RPL36: variants seen among roughly 807,000 people sequenced by gnomAD.
The protein encoded by RPL36 is large ribosomal subunit protein eL36.
For synonymous variants in RPL36, 74 were observed against 56.0 expected, an observed-to-expected ratio of 1.32 and a Z score of -1.44; for missense variants, 131 against 144.9, an observed-to-expected ratio of 0.90 and a Z score of 0.49.
In RPL36 at chr19:5,691,847, T is replaced by TTTAATCA; in HGVS notation, c.*231_*237dup. 1.2e-6 allele frequency: 1 copy of TTTAATCA among 815,476 alleles called. No individual in the cohort carries two copies. Among genetic ancestry groups the TTTAATCA allele is most frequent in the Non-Finnish European group, 1.9e-6 (1 of 525,960 alleles). The allele number at this position is 815,476 out of a possible 1,614,324, so 50.5% of individuals were successfully genotyped here. ...AGGAAGCCGCCGTACTGCAAATGAC[T>TTTAATCA]TTAATCATTAAATAGCTTCTATGCC... On this transcript the variant is annotated 3_prime_UTR_variant, in exon 4 of 4. Transcript: ENST00000347512.
rs369359972 is a variant in RPL36, at chr19:5,690,465, C to G, written c.-2-41C>G. On this transcript the variant is annotated intron_variant, in intron 1 of 3. Transcript: ENST00000347512. ...GGGCTCTGGGCCTCGGGAACTGAGC[C>G]GGTACTCACCTCCGCCCCTTCTCCC... 2.8e-6 allele frequency: 4 copies of G among 1,446,230 alleles called. No individual in the cohort carries two copies. In the East Asian group the frequency reaches 9.9e-5, roughly 36 times the overall value. The allele number at this position is 1,446,230 out of a possible 1,614,324, so 89.6% of individuals were successfully genotyped here. A position where few individuals can be genotyped will look rare whatever the true frequency, so the allele number is the denominator to read the frequency against.
chr19:5,690,326 A>G lies in RPL36; in HGVS notation c.-4A>G, dbSNP rs892599722. ...GCCACGGCCGTCTCTGGAGAGCAGC[A>G]GGTAAGTGGTTTCCCGCACTGCCGG... On this transcript the variant is annotated splice_region_variant and 5_prime_UTR_variant, in exon 1 of 4. Transcript: ENST00000347512. 1.5e-5 allele frequency: 10 copies of G among 646,342 alleles called. No individual in the cohort carries two copies. The highest frequency in any genetic ancestry group is 2.3e-5 in the Non-Finnish European group (8 of 353,242). 40.0% of individuals were successfully genotyped at this position (646,342 alleles called of 1,614,324 possible).
In RPL36 at chr19:5,691,515, G is replaced by A. The variant is rs755587810; in HGVS notation, c.229-17G>A. The A allele has an allele frequency of 1.9e-6, 3 of 1,609,060 alleles. No individual in the cohort carries two copies. The highest frequency in any genetic ancestry group is 4.5e-5 in the East Asian group (2 of 44,876). ...TGGGAGTCAGGGCCGGGCTGACGGC[G>A]GCCTCGTCCCTGGCAGGTGGGGACG... On this transcript the variant is annotated splice_polypyrimidine_tract_variant and intron_variant, in intron 3 of 3. Coordinates refer to ENST00000347512, the MANE Select transcript of RPL36 (RefSeq NM_033643.3).
intron 2 of RPL36, 172 bp downstream of exon 2, chr19:5,690,772 C>T (rs746746664): frequency 7.7e-6 from 5 of 647,194 alleles, no homozygotes; most frequent in Non-Finnish European, 8.3e-6. Flanking sequence ...TGCTCGAAGG[C>T]GGGCACCCAT....
rs113495838 is a variant in RPL36 at position 5,691,793 on chromosome 19, C to G, written c.*172C>G. ...CCTGGTCGTGAATCAAAAGCCGTGG[C>G]CCGCCCACCCTTCCCGGGGCAGCAG... On this transcript the variant is annotated 3_prime_UTR_variant, in exon 4 of 4. Coordinates refer to ENST00000347512, the MANE Select transcript of RPL36 (RefSeq NM_033643.3). 186 of 867,268 alleles carry G rather than the reference C, an allele frequency of 2.1e-4. 4 individuals are homozygous for G. The South Asian group carries it at 2.9e-3, about 13-fold the overall frequency. The allele number at this position is 867,268 out of a possible 1,614,324, so 53.7% of individuals were successfully genotyped here. A position where few individuals can be genotyped will look rare whatever the true frequency, so the allele number is the denominator to read the frequency against.
At chr19:5,690,882 T>G in intron 2 of RPL36, 1 of 559,350 alleles carries the variant, frequency 1.8e-6, no homozygotes, top group South Asian at 2.0e-5. Context: ...GGAGTAGGAG[T>G]TCGCTCATGG....
intron 2 of RPL36, 29 bp from the exon 3 acceptor site, chr19:5,691,290 A>G (rs767894473): frequency 6.2e-7 from 1 of 1,611,992 alleles, no homozygotes; most frequent in Non-Finnish European, 8.5e-7. Context: ...GGATCCCCCT[A>G]CCCTGACGGC....
chr19:5,691,453 G>A lies in RPL36; in HGVS notation c.228G>A (p.Arg76=). The part of the protein sequence containing the change: ...DKRALKFIKK[R]VGTHIRAKRK... ...GGGCCCTCAAATTTATCAAGAAAAGGGTAGGTGGGCGCTGCCGGCCGAGGG... is the reference window on the plus strand; with the variant it reads ...GGGCCCTCAAATTTATCAAGAAAAGAGTAGGTGGGCGCTGCCGGCCGAGGG... Residue 76 remains arginine, a splice_region_variant and synonymous_variant, in exon 3 of 4, where the codon AGG becomes AGA. Coordinates refer to ENST00000347512, the MANE Select transcript of RPL36 (RefSeq NM_033643.3). 1.9e-6 allele frequency: 3 copies of A among 1,609,788 alleles called. No homozygotes were observed. Among genetic ancestry groups the A allele is most frequent in the Non-Finnish European group, 8.5e-7 (1 of 1,176,366 alleles).
intron 2 of RPL36, 98 bp from the exon 3 acceptor site, chr19:5,691,221 G>T (rs367633857): frequency 6.4e-7 from 1 of 1,565,932 alleles, no homozygotes; most frequent in African/African-American, 1.4e-5. Flanking sequence ...CCCACAGAGG[G>T]GAGGAAGTAG....
At chr19:5,691,007 C>T in intron 2 of RPL36, 1 of 542,118 alleles carries the variant, frequency 1.8e-6, no homozygotes, top group East Asian at 3.2e-5. Context: ...GTAAGGAGTT[C>T]GCTCATGGAG....
At chr19:5,690,632 G>T (rs777938144) in intron 2 of RPL36, 32 bp downstream of exon 2, 24 of 1,526,064 alleles carry the variant, frequency 1.6e-5, no homozygotes, top group Non-Finnish European at 2.0e-5. Flanking sequence ...AGGTTGTCGG[G>T]GGTTTCTTGG....
chr19:5,690,988 G>A, intron 2 of RPL36: 1 of 529,830 alleles, frequency 1.9e-6, no homozygotes, highest in Non-Finnish European at 3.4e-6. Flanking sequence ...TTGGGGTTCT[G>A]ACGCAGGAGT....
At position 5,691,267 on chromosome 19, in the gene RPL36, A is replaced by G. The variant is rs368891476; in HGVS notation, c.94-52A>G. ...CGCGGCAGCGCGAGAGAAGCTGCTTAACTAGAATGCAGGGATCCCCCTACC... is the reference window on the plus strand; with the variant it reads ...CGCGGCAGCGCGAGAGAAGCTGCTTGACTAGAATGCAGGGATCCCCCTACC... On this transcript the variant is annotated intron_variant, in intron 2 of 3. Transcript: ENST00000347512. 3.1e-6 allele frequency: 5 copies of G among 1,610,804 alleles called. No homozygotes were observed. The African/African-American group carries it at 6.7e-5, about 22-fold the overall frequency.
Position 5,691,726 on chromosome 19 carries a change from C to T in RPL36, c.*105C>T. 1 of 1,199,664 alleles carries T rather than the reference C, an allele frequency of 8.3e-7. No individual in the cohort carries two copies. Among genetic ancestry groups the T allele is most frequent in the Non-Finnish European group, 1.2e-6 (1 of 837,338 alleles). The allele number at this position is 1,199,664 out of a possible 1,614,324, so 74.3% of individuals were successfully genotyped here. On this transcript the variant is annotated 3_prime_UTR_variant, in exon 4 of 4. Transcript: ENST00000347512. ...GGGTGTGTCGGGGGCCCGCAGTCCC[C>T]TGTCTGGTGCCCGCTCTGAGCCACA...
At position 5,691,532 on chromosome 19, in the gene RPL36, G is replaced by A; in HGVS notation, c.229G>A (p.Val77Met). The A allele has an allele frequency of 6.2e-7, 1 of 1,612,274 alleles. No individual in the cohort carries two copies. Among genetic ancestry groups the A allele is most frequent in the Non-Finnish European group, 8.5e-7 (1 of 1,179,910 alleles). The change falls in exon 4 of 4, where the codon GTG becomes ATG. Residue 77 changes from valine (V) to methionine (M), a missense_variant and splice_region_variant. Val to Met is a conservative substitution (Grantham distance 21, BLOSUM62 1). Coordinates refer to ENST00000347512, the MANE Select transcript of RPL36 (RefSeq NM_033643.3). ...KRALKFIKKR[V>M]GTHIRAKRKR... ...CTGACGGCGGCCTCGTCCCTGGCAG[G>A]TGGGGACGCACATCCGCGCCAAGAG...
Position 5,691,652 on chromosome 19 carries a change from G to C in RPL36, c.*31G>C. ...TCCCCTGCCCTCTCCCTGAAATAAA[G>C]AACAGCTTGACAGAAGCCCTGGCTC... On this transcript the variant is annotated 3_prime_UTR_variant, in exon 4 of 4. Coordinates refer to ENST00000347512, the MANE Select transcript of RPL36 (RefSeq NM_033643.3). The C allele has an allele frequency of 6.3e-7, 1 of 1,575,010 alleles. No homozygotes were observed. The highest frequency in any genetic ancestry group is 8.6e-7 in the Non-Finnish European group (1 of 1,160,474).
In RPL36 at chr19:5,690,669, G is replaced by A. The variant is rs1034990275; in HGVS notation, c.93+69G>A. The A allele has an allele frequency of 2.6e-5, 34 of 1,294,854 alleles. No individual in the cohort carries two copies. The South Asian group carries it at 4.2e-4, about 16-fold the overall frequency. 80.2% of individuals were successfully genotyped at this position (1,294,854 alleles called of 1,614,324 possible). On this transcript the variant is annotated intron_variant, in intron 2 of 3. Transcript: ENST00000347512. ...GGGCGGAGGGCATGGCTTGGGCAAA[G>A]GCTCTCGACCTGAAAGAACGCGCGT... is the stretch of plus-strand genomic sequence containing the variant.
In RPL36 at chr19:5,691,305, C is replaced by G. The variant is rs771531822; in HGVS notation, c.94-14C>G. On this transcript the variant is annotated splice_polypyrimidine_tract_variant and intron_variant, in intron 2 of 3. Coordinates refer to ENST00000347512, the MANE Select transcript of RPL36 (RefSeq NM_033643.3). ...GGATCCCCCTACCCTGACGGCCGCC[C>G]CTTTCCCCCCTAGCGTCTGACCAAA... 4.9e-5 allele frequency: 79 copies of G among 1,611,098 alleles called. No homozygotes were observed. Among genetic ancestry groups the G allele is most frequent in the Non-Finnish European group, 6.4e-5 (75 of 1,179,024 alleles).
In RPL36 at chr19:5,690,302, C is replaced by T. The variant is rs992638373; in HGVS notation, c.-28C>T. ...GTTCCGCGCGGCGCCAGCCCTTCCG[C>T]CACGGCCGTCTCTGGAGAGCAGCAG... On this transcript the variant is annotated 5_prime_UTR_variant, in exon 1 of 4. Transcript: ENST00000347512. 8.9e-5 allele frequency: 55 copies of T among 615,808 alleles called. No individual in the cohort carries two copies. The highest frequency in any genetic ancestry group is 5.8e-4 in the African/African-American group (32 of 54,744). The allele number at this position is 615,808 out of a possible 1,614,324, so 38.1% of individuals were successfully genotyped here.
Sources: gnomAD v4.1 joint callset for allele counts on GRCh38, gnomAD v4.1.1 for gene constraint, MANE v1.5 for transcripts, NCBI Gene and HGNC (gene_info 2026-07-23, HGNC 2026-07-21) for gene names.